Variants in EPHA6 observed in about 807,000 individuals in gnomAD.
EPHA6 encodes the protein ephrin type-A receptor 6.
In EPHA6, 50 loss-of-function variants were observed where a neutral mutation model predicts 112.0. The ratio of observed to expected loss-of-function variants is 0.45; its 90% CI spans 0.36 to 0.56. The LOEUF (loss-of-function observed/expected upper bound fraction) is 0.56. Among genes scored for constraint, EPHA6 ranks in the 20% least tolerant of loss-of-function variants. The probability of loss-of-function intolerance (pLI) is 0.00; values close to 1 mark genes in which losing one functional copy is unlikely to be tolerated. For synonymous variants in EPHA6, 529 were observed against 490.7 expected, an observed-to-expected ratio of 1.08 and a Z score of -1.03; for missense variants, 1,280 against 1,417.4, an observed-to-expected ratio of 0.90 and a Z score of 1.56.
chr3:97,543,508 T>G (rs1283031129), intron 11 of EPHA6, among the ~76,000 whole-genome samples: 3 of 152,220 alleles, frequency 2.0e-5, no homozygotes, highest in East Asian at 1.9e-4. Flanking sequence ...CCTTGTAGTA[T>G]AGTTTGAAGT....
At chr3:97,732,571 C>T (rs966523308) in intron 15 of EPHA6, among the ~76,000 whole-genome samples, 1 of 152,016 alleles carries the variant, frequency 6.6e-6, no homozygotes, top group Non-Finnish European at 1.5e-5. Context: ...AAACATATAT[C>T]TTTTAAGCAA....
At chr3:96,836,515 A>G (rs2034424125) in intron 1 of EPHA6, among the ~76,000 whole-genome samples, 1 of 152,180 alleles carries the variant, frequency 6.6e-6, no homozygotes, top group South Asian at 2.1e-4. Flanking sequence ...CAACAATTGT[A>G]TTCTTTCACA....
chr3:96,995,318 T>A (rs1576282290), intron 3 of EPHA6, among the ~76,000 whole-genome samples: 1 of 152,132 alleles, frequency 6.6e-6, no homozygotes, highest in Non-Finnish European at 1.5e-5. Flanking sequence ...AGCTGAAAGG[T>A]AAGATTGGGA....
At chr3:97,214,417 C>T (rs1213917264) in intron 3 of EPHA6, among the ~76,000 whole-genome samples, 3 of 150,708 alleles carry the variant, frequency 2.0e-5, no homozygotes, top group African/African-American at 7.3e-5. Context: ...TTGCTATACG[C>T]CCAACAGAAA....
chr3:97,543,370 G>A (rs2092895903), intron 11 of EPHA6, among the ~76,000 whole-genome samples: 1 of 152,096 alleles, frequency 6.6e-6, no homozygotes, highest in African/African-American at 2.4e-5. Flanking sequence ...CCCATTGCTT[G>A]TTTTTCTCAG....
chr3:97,430,025 T>G (rs960698008), intron 6 of EPHA6, among the ~76,000 whole-genome samples: 1 of 152,196 alleles, frequency 6.6e-6, no homozygotes, highest in African/African-American at 2.4e-5. Flanking sequence ...TGATGTTTGC[T>G]GAACAACATG....
intron 5 of EPHA6, among the ~76,000 whole-genome samples, chr3:97,276,953 A>G (rs978678292): frequency 2.0e-5 from 3 of 152,056 alleles, no homozygotes; most frequent in African/African-American, 7.2e-5. Context: ...ACCAGGTGTG[A>G]GGAGGGGCGG....
intron 2 of EPHA6, among the ~76,000 whole-genome samples, chr3:96,940,885 TG>T (rs1412059965): frequency 6.6e-6 from 1 of 152,216 alleles, no homozygotes; most frequent in East Asian, 1.9e-4. Flanking sequence ...TATGAAATTC[TG>T]GGTTGAAAAT....
intron 13 of EPHA6, among the ~76,000 whole-genome samples, chr3:97,613,823 T>C (rs2093740613): frequency 1.3e-5 from 2 of 152,208 alleles, no homozygotes; most frequent in Non-Finnish European, 2.9e-5. Context: ...TTGGGGATAG[T>C]GGTCAAGGTT....
chr3:97,069,874 T>G (rs2046300103), intron 3 of EPHA6, among the ~76,000 whole-genome samples: 1 of 152,192 alleles, frequency 6.6e-6, no homozygotes, highest in Non-Finnish European at 1.5e-5. Flanking sequence ...TAGGAAAAAG[T>G]GCATATTAAA....
intron 2 of EPHA6, among the ~76,000 whole-genome samples, chr3:96,975,794 G>A (rs2042499303): frequency 6.6e-6 from 1 of 152,112 alleles, no homozygotes; most frequent in South Asian, 2.1e-4. Context: ...ATAGACAGAA[G>A]TTCCTTGTTC....
At chr3:97,306,887 CA>C (rs1225614910) in intron 5 of EPHA6, among the ~76,000 whole-genome samples, 2 of 150,272 alleles carry the variant, frequency 1.3e-5, no homozygotes, top group Non-Finnish European at 3.0e-5. Context: ...TTGTCACCTA[CA>C]TTTTTTTTTT....
At chr3:97,408,830 A>G (rs2087528515) in intron 6 of EPHA6, among the ~76,000 whole-genome samples, 1 of 151,952 alleles carries the variant, frequency 6.6e-6, no homozygotes, top group African/African-American at 2.4e-5. Context: ...TGATTTCAAC[A>G]TATGAATTTT....
At chr3:97,141,689 G>A (rs1214583330) in intron 3 of EPHA6, among the ~76,000 whole-genome samples, 1 of 151,842 alleles carries the variant, frequency 6.6e-6, no homozygotes, top group Non-Finnish European at 1.5e-5. Context: ...AGAGCTAAGA[G>A]GAAGGTTTAT....
At chr3:97,443,529 A>T (rs2090214999) in intron 6 of EPHA6, among the ~76,000 whole-genome samples, 1 of 152,106 alleles carries the variant, frequency 6.6e-6, no homozygotes. Flanking sequence ...TATTAAACAA[A>T]TTCTATTCCC....
chr3:96,909,017 T>C lies in EPHA6; in HGVS notation c.450+42128T>C, dbSNP rs1054817169. Among the ~76,000 whole-genome samples the C allele has an allele frequency of 6.6e-5, 10 of 152,080 alleles. 1 individual carries two copies. In the South Asian group the frequency reaches 2.1e-3, roughly 32 times the overall value. ...TTTCTTTTGCTTTATATTGATTCAA[T>C]TAGTGAGAAATATAATCTTTAGGGT... On this transcript the variant is annotated intron_variant, in intron 2 of 17. Coordinates refer to ENST00000389672, the MANE Select transcript of EPHA6 (RefSeq NM_001080448.3).
chr3:97,239,925 T>C (rs938579080), intron 4 of EPHA6, among the ~76,000 whole-genome samples: 1 of 151,908 alleles, frequency 6.6e-6, no homozygotes, highest in Non-Finnish European at 1.5e-5. Flanking sequence ...AATAGGGTTT[T>C]TAATAATCTA....
chr3:97,344,569 C>A (rs1405522957), intron 5 of EPHA6, among the ~76,000 whole-genome samples: 1 of 152,126 alleles, frequency 6.6e-6, no homozygotes, highest in Admixed American at 6.6e-5. Context: ...ACCAGATCTG[C>A]CAATGCCTTG....
intron 2 of EPHA6, among the ~76,000 whole-genome samples, chr3:96,947,284 G>A (rs2041315833): frequency 6.6e-6 from 1 of 152,082 alleles, no homozygotes; most frequent in Admixed American, 6.6e-5. Flanking sequence ...GTATTGCCTA[G>A]GTTTTCTTCT....
Sources: allele counts gnomAD v4.1 joint callset (sites outside exome capture counted in the v4.1 genomes callset), GRCh38; gene constraint gnomAD v4.1.1; transcripts MANE v1.5; gene names NCBI Gene and HGNC (gene_info 2026-07-23, HGNC 2026-07-21).